Variants in CFAP47 observed in about 807,000 individuals in gnomAD.
CFAP47 encodes the protein cilia and flagella associated protein 47.
A neutral mutation model predicts 148.1 loss-of-function variants in CFAP47; 29 were observed. The ratio of observed to expected loss-of-function variants is 0.20; its 90% CI spans 0.15 to 0.27. The LOEUF (loss-of-function observed/expected upper bound fraction) is 0.27. Ranked by LOEUF, CFAP47 falls within the 10% of genes least tolerant of loss-of-function variation. CFAP47 has a pLI of 1.00. For synonymous variants in CFAP47, 664 were observed against 577.3 expected, an observed-to-expected ratio of 1.15 and a Z score of -2.15; for missense variants, 1,872 against 1,697.5, an observed-to-expected ratio of 1.10 and a Z score of -1.81.
chrX:35,920,280 G>T (rs1935558171), intron 1 of CFAP47, among the ~76,000 whole-genome samples: 2 of 111,498 alleles, frequency 1.8e-5, no homozygotes, highest in Admixed American at 1.9e-4. Context: ...AGCTGACCTA[G>T]AGCCTCCCCA....
At chrX:36,324,292 A>G (rs1941500716) in intron 57 of CFAP47, among the ~76,000 whole-genome samples, 2 of 111,795 alleles carry the variant, frequency 1.8e-5, no homozygotes, top group Non-Finnish European at 3.8e-5. Flanking sequence ...ATTAGCTGTA[A>G]CATCGTACTG....
chrX:36,227,539 G>A (rs1555991717), intron 45 of CFAP47, among the ~76,000 whole-genome samples: 1 of 111,688 alleles, frequency 9.0e-6, no homozygotes, highest in Admixed American at 9.6e-5. Flanking sequence ...GAATGTTCTT[G>A]CGTATAAATG....
rs190567938 is a variant in CFAP47, at chrX:36,042,734, A to T, written c.4007+3555A>T. On this transcript the variant is annotated intron_variant, in intron 25 of 63. Transcript: ENST00000378653. ...TTGGAATATTCGATGCTGTAAAAAA[A>T]GTTTTCCACAAATAAATTTACATAT... Among the ~76,000 whole-genome samples, 7 of 112,053 alleles carry T rather than the reference A, an allele frequency of 6.2e-5. No individual in the cohort carries two copies. The East Asian group carries it at 2.0e-3, about 31-fold the overall frequency.
chrX:36,213,216 T>C (rs782372633), intron 45 of CFAP47, among the ~76,000 whole-genome samples: 1 of 112,074 alleles, frequency 8.9e-6, no homozygotes, highest in South Asian at 3.7e-4. Flanking sequence ...TTCTAATTGC[T>C]GTATCTTCTT....
At chrX:36,127,416 T>C (rs1271179338) in intron 33 of CFAP47, among the ~76,000 whole-genome samples, 1 of 111,681 alleles carries the variant, frequency 9.0e-6, no homozygotes, top group Non-Finnish European at 1.9e-5. Flanking sequence ...ATGTGTGGTA[T>C]TGTTTCTGAA....
chrX:36,258,434 T>C (rs1445224522), intron 49 of CFAP47, among the ~76,000 whole-genome samples: 1 of 111,956 alleles, frequency 8.9e-6, no homozygotes, highest in African/African-American at 3.2e-5. Flanking sequence ...TTATTATTTT[T>C]ATTCTGGAAT....
intron 63 of CFAP47, among the ~76,000 whole-genome samples, chrX:36,380,448 A>T (rs1646749132): frequency 1.8e-5 from 2 of 110,255 alleles, no homozygotes; most frequent in South Asian, 3.8e-4. Context: ...TTGATACATA[A>T]TTTTTTTTTT....
chrX:36,216,219 A>G (rs1940157881), intron 45 of CFAP47, among the ~76,000 whole-genome samples: 1 of 112,370 alleles, frequency 8.9e-6, no homozygotes, highest in Non-Finnish European at 1.9e-5. Flanking sequence ...TGTGAGAAGC[A>G]ATACCTCAGT....
chrX:36,157,640 C>T (rs948042184), intron 37 of CFAP47, among the ~76,000 whole-genome samples: 16 of 110,689 alleles, frequency 1.4e-4, no homozygotes, highest in African/African-American at 5.3e-4. Flanking sequence ...GAATGTTGGC[C>T]ATGTCCTACC....
At chrX:36,058,236 A>C (rs1937569505) in intron 26 of CFAP47, among the ~76,000 whole-genome samples, 1 of 112,065 alleles carries the variant, frequency 8.9e-6, no homozygotes, top group Non-Finnish European at 1.9e-5. Context: ...ACATTTTATT[A>C]CCTGTTTTTT....
At chrX:35,966,508 C>T (rs1192768542) in intron 8 of CFAP47, 57 bp from the exon 9 acceptor site, 1 of 776,779 alleles carries the variant, frequency 1.3e-6, no homozygotes, top group Non-Finnish European at 1.7e-6. Flanking sequence ...TTTAGATTTG[C>T]TGTTAACTTT....
At chrX:35,985,443 A>G (rs1184477857) in intron 15 of CFAP47, among the ~76,000 whole-genome samples, 1 of 111,271 alleles carries the variant, frequency 9.0e-6, no homozygotes, top group Non-Finnish European at 1.9e-5. Flanking sequence ...AAGCAGTGGA[A>G]CAAGTTGTGG....
intron 62 of CFAP47, among the ~76,000 whole-genome samples, chrX:36,373,753 A>C (rs1941994821): frequency 2.7e-5 from 3 of 111,828 alleles, no homozygotes. Flanking sequence ...TTCCTTCTAA[A>C]CTTAATTTGT....
intron 61 of CFAP47, among the ~76,000 whole-genome samples, chrX:36,365,371 T>C (rs192160515): frequency 8.5e-4 from 94 of 110,685 alleles, no homozygotes; most frequent in African/African-American, 3.0e-3. Context: ...AACAATGCAG[T>C]AATGAATACC....
At chrX:36,003,213 T>G (rs919074716) in intron 21 of CFAP47, among the ~76,000 whole-genome samples, 2 of 110,180 alleles carry the variant, frequency 1.8e-5, no homozygotes, top group Non-Finnish European at 1.9e-5. Context: ...CTTTATTATA[T>G]TAATATAGTA....
At chrX:36,104,936 T>C (rs1336780746) in intron 33 of CFAP47, among the ~76,000 whole-genome samples, 1 of 112,057 alleles carries the variant, frequency 8.9e-6, no homozygotes, top group Non-Finnish European at 1.9e-5. Flanking sequence ...TTTAAAAGCA[T>C]ATGGAGGAAC....
chrX:36,139,482 A>G (rs1464428962), intron 35 of CFAP47, among the ~76,000 whole-genome samples: 1 of 111,500 alleles, frequency 9.0e-6, no homozygotes, highest in Non-Finnish European at 1.9e-5. Context: ...AAAGGCCTTT[A>G]CTCTTGCAAC....
intron 21 of CFAP47, among the ~76,000 whole-genome samples, chrX:36,013,157 A>G (rs1407877097): frequency 1.8e-5 from 2 of 111,701 alleles, no homozygotes; most frequent in African/African-American, 6.5e-5. Flanking sequence ...TAGTTTTGAT[A>G]CAGCCCCCAA....
chrX:36,136,545 A>G (rs1444580769), intron 33 of CFAP47, among the ~76,000 whole-genome samples: 1 of 111,316 alleles, frequency 9.0e-6, no homozygotes. Context: ...GCAAATATAC[A>G]TTCAGAGAAG....
Sources: gnomAD v4.1 joint callset for allele counts (sites outside exome capture counted in the v4.1 genomes callset) on GRCh38, gnomAD v4.1.1 for gene constraint, MANE v1.5 for transcripts, NCBI Gene and HGNC (gene_info 2026-07-23, HGNC 2026-07-21) for gene names.